The following CNTNAP5 variants were observed in gnomAD, a reference collection of about 807,000 sequenced individuals.
CNTNAP5 encodes contactin-associated protein-like 5.
A neutral mutation model predicts 150.2 loss-of-function variants in CNTNAP5; 72 were observed. The ratio of observed to expected loss-of-function variants is 0.48; its 90% CI spans 0.40 to 0.58. CNTNAP5 has a LOEUF of 0.58. Ranked by LOEUF, CNTNAP5 falls within the 20% of genes least tolerant of loss-of-function variation. The pLI is 0.00. For synonymous variants in CNTNAP5, 672 were observed against 619.8 expected (o/e 1.08, Z -1.25); for missense variants, 1,636 against 1,626.2 (o/e 1.01, Z -0.10).
chr2:124,571,532 T>TCTTTTTCTCTTTTTTTTC (rs1553480869), intron 11 of CNTNAP5, among the ~76,000 whole-genome samples: 1 of 92,680 alleles, frequency 1.1e-5, no homozygotes. Context: ...TTTTTCTTTT[T>TCTTTTTCTCTTTTTTTTC]TTTTTTTTTT....
chr2:124,239,469 G>A (rs946672228), intron 2 of CNTNAP5, among the ~76,000 whole-genome samples: 40 of 152,088 alleles, frequency 2.6e-4, no homozygotes, highest in African/African-American at 9.4e-4. Context: ...CTATATTATA[G>A]CATCAGCTCC....
intron 11 of CNTNAP5, among the ~76,000 whole-genome samples, chr2:124,574,125 A>T (rs750564672): frequency 6.6e-6 from 1 of 152,166 alleles, no homozygotes; most frequent in Non-Finnish European, 1.5e-5. Flanking sequence ...AGGTTTTGGC[A>T]TAGGTGTTGC....
At chr2:124,676,657 G>T (rs1416832258) in intron 13 of CNTNAP5, among the ~76,000 whole-genome samples, 1 of 152,156 alleles carries the variant, frequency 6.6e-6, no homozygotes, top group Non-Finnish European at 1.5e-5. Flanking sequence ...AACTCATTCT[G>T]CTCCCTTGCA....
intron 5 of CNTNAP5, among the ~76,000 whole-genome samples, chr2:124,446,343 C>G (rs1017340210): frequency 6.6e-6 from 1 of 152,154 alleles, no homozygotes; most frequent in African/African-American, 2.4e-5. Context: ...GCTGTCTTCC[C>G]TTTACGTATC....
intron 10 of CNTNAP5, among the ~76,000 whole-genome samples, chr2:124,552,632 T>G (rs1387819979): frequency 6.6e-6 from 1 of 152,192 alleles, no homozygotes; most frequent in Non-Finnish European, 1.5e-5. Context: ...CACATATATG[T>G]ATGTGTGAGT....
chr2:124,597,305 G>A (rs866089108), intron 11 of CNTNAP5, among the ~76,000 whole-genome samples: 10 of 150,296 alleles, frequency 6.7e-5, no homozygotes, highest in East Asian at 2.0e-4. Context: ...CATGTTTAGC[G>A]CTTCCTTCAG....
intron 19 of CNTNAP5, among the ~76,000 whole-genome samples, chr2:124,855,560 G>A (rs990051420): frequency 1.3e-5 from 2 of 152,110 alleles, no homozygotes; most frequent in East Asian, 3.9e-4. Context: ...ACAGATTAGA[G>A]TAGGAAGAGT....
chr2:124,881,067 A>G (rs550969315), intron 21 of CNTNAP5, among the ~76,000 whole-genome samples: 2 of 152,288 alleles, frequency 1.3e-5, no homozygotes, highest in South Asian at 4.1e-4. Context: ...AAGGGAAACA[A>G]GAACAGTCCA....
intron 1 of CNTNAP5, among the ~76,000 whole-genome samples, chr2:124,062,534 C>T (rs1180960092): frequency 6.6e-6 from 1 of 152,156 alleles, no homozygotes; most frequent in Non-Finnish European, 1.5e-5. Context: ...AAACCATTAC[C>T]TCACTGAAAG....
chr2:124,909,322 T>C (rs570282353), intron 22 of CNTNAP5, among the ~76,000 whole-genome samples: 1 of 152,186 alleles, frequency 6.6e-6, no homozygotes, highest in African/African-American at 2.4e-5. Flanking sequence ...TACAGCAACA[T>C]GCTATACAGG....
At chr2:124,891,670 T>A (rs1678197271) in intron 21 of CNTNAP5, among the ~76,000 whole-genome samples, 2 of 152,136 alleles carry the variant, frequency 1.3e-5, no homozygotes, top group Non-Finnish European at 2.9e-5. Flanking sequence ...TGAAGGCAGG[T>A]GTAGAGAAGA....
chr2:124,597,093 T>C (rs1300159605), intron 11 of CNTNAP5, among the ~76,000 whole-genome samples: 1 of 150,896 alleles, frequency 6.6e-6, no homozygotes, highest in Non-Finnish European at 1.5e-5. Flanking sequence ...TGACTCTTTA[T>C]CCAATTTGCC....
At chr2:124,288,219 T>C (rs1051321127) in intron 3 of CNTNAP5, among the ~76,000 whole-genome samples, 1 of 152,190 alleles carries the variant, frequency 6.6e-6, no homozygotes, top group Non-Finnish European at 1.5e-5. Context: ...CATGAGCCAC[T>C]GCACCTGGCC....
chr2:124,620,784 C>T (rs1002591264), intron 12 of CNTNAP5, among the ~76,000 whole-genome samples: 2 of 151,340 alleles, frequency 1.3e-5, no homozygotes, highest in African/African-American at 4.9e-5. Context: ...CATATATATG[C>T]AAACTTTCTA....
At chr2:124,523,835 T>C (rs184688765) in intron 8 of CNTNAP5, among the ~76,000 whole-genome samples, 47 of 152,336 alleles carry the variant, frequency 3.1e-4, no homozygotes, top group African/African-American at 9.1e-4. Flanking sequence ...AATCTAGCTT[T>C]CCTCATCTAC....
rs1027481142 is a variant in CNTNAP5, at chr2:124,869,773, C to G, written c.3436+11C>G. 2.7e-6 allele frequency: 4 copies of G among 1,494,642 alleles called. No individual in the cohort carries two copies. In the South Asian group the frequency reaches 3.4e-5, roughly 13 times the overall value. 92.6% of individuals were successfully genotyped at this position (1,494,642 alleles called of 1,614,324 possible). Reference sequence around the variant, plus strand: ...TGGGCAAAGTCACAGGTATGTTGTTCTAGTTCATACCTTTCCAGTGGGCTT... The same window carrying G: ...TGGGCAAAGTCACAGGTATGTTGTTGTAGTTCATACCTTTCCAGTGGGCTT... On this transcript the variant is annotated intron_variant, in intron 21 of 23. Transcript: ENST00000682447.
At chr2:124,384,942 A>AAGAAGACAG (rs1178552622) in intron 3 of CNTNAP5, among the ~76,000 whole-genome samples, 2 of 152,182 alleles carry the variant, frequency 1.3e-5, no homozygotes, top group Non-Finnish European at 2.9e-5. Context: ...AACAATCCAG[A>AAGAAGACAG]AGAAGACAGA....
At chr2:124,483,411 G>A (rs1452004807) in intron 7 of CNTNAP5, among the ~76,000 whole-genome samples, 3 of 152,210 alleles carry the variant, frequency 2.0e-5, no homozygotes, top group African/African-American at 7.2e-5. Context: ...GCGCAGGCCG[G>A]TATGAACCTG....
At chr2:124,678,590 T>C (rs1234256027) in intron 13 of CNTNAP5, among the ~76,000 whole-genome samples, 2 of 151,708 alleles carry the variant, frequency 1.3e-5, no homozygotes, top group Non-Finnish European at 2.9e-5. Context: ...TGTCCTATGA[T>C]GGGAGCTGAC....
Sources: gnomAD v4.1 joint callset for allele counts (sites outside exome capture counted in the v4.1 genomes callset) on GRCh38, gnomAD v4.1.1 for gene constraint, MANE v1.5 for transcripts, NCBI Gene and HGNC (gene_info 2026-07-23, HGNC 2026-07-21) for gene names.